Variants in GRIK4 observed in about 807,000 individuals in gnomAD.
GRIK4 encodes the protein glutamate receptor ionotropic, kainate 4.
Under a neutral mutation model 104.9 loss-of-function variants are expected in GRIK4, and 40 were observed. That is an observed-to-expected ratio of 0.38 (90% CI 0.30 to 0.50). GRIK4 has a LOEUF of 0.50. Among genes scored for constraint, GRIK4 ranks in the 20% least tolerant of loss-of-function variants. The pLI is 0.93. For missense variants in GRIK4, 1,047 were observed against 1,308.1 expected, an observed-to-expected ratio of 0.80 and a Z score of 3.08; for synonymous variants, 485 against 524.9, an observed-to-expected ratio of 0.92 and a Z score of 1.04.
intron 1 of GRIK4, among the ~76,000 whole-genome samples, chr11:120,582,733 C>T (rs946381326): frequency 6.6e-6 from 1 of 152,034 alleles, no homozygotes; most frequent in Admixed American, 6.6e-5. Flanking sequence ...GTATATGTAC[C>T]ACATTTTCTT....
At position 120,912,961 on chromosome 11, in the gene GRIK4, C is replaced by A. The variant is rs1417911151; in HGVS notation, c.1476+7468C>A. Reference sequence around the variant, plus strand: ...CTTCCCACAGCTGGTATCTGGGAACCAGCACAGTCAGGCAAGTATCTGTCT... The same window carrying A: ...CTTCCCACAGCTGGTATCTGGGAACAAGCACAGTCAGGCAAGTATCTGTCT... On this transcript the variant is annotated intron_variant, in intron 13 of 20. Coordinates refer to ENST00000527524, the MANE Select transcript of GRIK4 (RefSeq NM_014619.5). Among the ~76,000 whole-genome samples, 3 of 152,166 alleles carry A rather than the reference C, an allele frequency of 2.0e-5. No homozygotes were observed. The East Asian group carries it at 5.8e-4, about 29-fold the overall frequency.
At chr11:120,910,875 G>A (rs1261265726) in intron 13 of GRIK4, among the ~76,000 whole-genome samples, 1 of 152,182 alleles carries the variant, frequency 6.6e-6, no homozygotes, top group East Asian at 1.9e-4. Flanking sequence ...GGTGATGCTA[G>A]GCCTGAATCT....
At chr11:120,950,300 T>C (rs1297944652) in intron 14 of GRIK4, among the ~76,000 whole-genome samples, 1 of 152,208 alleles carries the variant, frequency 6.6e-6, no homozygotes, top group Non-Finnish European at 1.5e-5. Context: ...GTCATGGTTT[T>C]TGTTCGTGTG....
At chr11:120,762,950 T>C (rs769659501) in intron 3 of GRIK4, among the ~76,000 whole-genome samples, 16 of 152,222 alleles carry the variant, frequency 1.1e-4, no homozygotes, top group Non-Finnish European at 1.8e-4. Context: ...AGGATGATGC[T>C]GGGCTCATAA....
intron 3 of GRIK4, among the ~76,000 whole-genome samples, chr11:120,748,140 G>C (rs1422732437): frequency 6.6e-6 from 1 of 151,856 alleles, no homozygotes; most frequent in African/African-American, 2.4e-5. Context: ...TGGGGAGTTG[G>C]TGTTTGTCTC....
chr11:120,895,069 T>G (rs1160563025), intron 11 of GRIK4, among the ~76,000 whole-genome samples: 1 of 151,176 alleles, frequency 6.6e-6, no homozygotes, highest in Non-Finnish European at 1.5e-5. Flanking sequence ...AGGAGGGAGG[T>G]GGGAAGGTGC....
chr11:120,886,916 A>G (rs569547216), intron 11 of GRIK4, among the ~76,000 whole-genome samples: 2 of 152,226 alleles, frequency 1.3e-5, no homozygotes, highest in South Asian at 4.2e-4. Flanking sequence ...AAGAATACTA[A>G]AGGGCTTCTA....
At chr11:120,961,410 C>G (rs1421251287) in intron 17 of GRIK4, among the ~76,000 whole-genome samples, 1 of 152,062 alleles carries the variant, frequency 6.6e-6, no homozygotes, top group Non-Finnish European at 1.5e-5. Flanking sequence ...TGAATCAAAC[C>G]TGTTGTTTTA....
chr11:120,779,887 G>A (rs556974170), intron 3 of GRIK4, among the ~76,000 whole-genome samples: 10 of 152,358 alleles, frequency 6.6e-5, no homozygotes, highest in African/African-American at 2.4e-4. Context: ...AGCGTTGGTA[G>A]AGCAGGAGAT....
intron 1 of GRIK4, among the ~76,000 whole-genome samples, chr11:120,562,392 A>G (rs959408260): frequency 6.6e-6 from 1 of 152,186 alleles, no homozygotes; most frequent in African/African-American, 2.4e-5. Flanking sequence ...AGGAGCAGGT[A>G]AGTGTATTTG....
intron 1 of GRIK4, among the ~76,000 whole-genome samples, chr11:120,563,928 C>G (rs1371400049): frequency 6.6e-6 from 1 of 152,194 alleles, no homozygotes; most frequent in Non-Finnish European, 1.5e-5. Flanking sequence ...CAGTGACACT[C>G]CAGGCCTAAA....
intron 12 of GRIK4, among the ~76,000 whole-genome samples, chr11:120,901,325 GCTCGCTGCATCCTGCCC>G (rs1942732339): frequency 1.8e-4 from 2 of 10,998 alleles, no homozygotes; most frequent in Admixed American, 6.5e-4. Flanking sequence ...GCATCCTGCC[GCTCGCTGCATCCTGCCC>G]CTCCCTGCCT....
At chr11:120,731,503 T>C (rs7926557) in intron 3 of GRIK4, among the ~76,000 whole-genome samples, 40 of 152,338 alleles carry the variant, frequency 2.6e-4, no homozygotes, top group African/African-American at 9.1e-4. Context: ...TCAGTAGTTA[T>C]TAGTGATACT....
chr11:120,609,463 C>T (rs1247876726), intron 1 of GRIK4, among the ~76,000 whole-genome samples: 3 of 150,442 alleles, frequency 2.0e-5, no homozygotes, highest in Non-Finnish European at 4.4e-5. Flanking sequence ...GGTAGCTTTC[C>T]CTACCTTTGT....
At chr11:120,760,163 G>A (rs1951722041) in intron 3 of GRIK4, among the ~76,000 whole-genome samples, 1 of 151,520 alleles carries the variant, frequency 6.6e-6, no homozygotes, top group Non-Finnish European at 1.5e-5. Context: ...ATCCCCACCT[G>A]TGATAACCAC....
intron 9 of GRIK4, among the ~76,000 whole-genome samples, chr11:120,864,311 G>A (rs1482570107): frequency 1.3e-5 from 2 of 151,506 alleles, no homozygotes; most frequent in Non-Finnish European, 2.9e-5. Flanking sequence ...CGCGATCTCG[G>A]CTCACTGCAA....
chr11:120,793,895 G>A (rs1330724519), intron 3 of GRIK4, among the ~76,000 whole-genome samples: 3 of 146,502 alleles, frequency 2.0e-5, no homozygotes, highest in Admixed American at 6.8e-5. Flanking sequence ...GGAGAAGAGC[G>A]GTATTAGGGG....
intron 13 of GRIK4, among the ~76,000 whole-genome samples, chr11:120,932,132 AAC>A (rs1429157780): frequency 3.3e-5 from 5 of 150,626 alleles, no homozygotes; most frequent in Non-Finnish European, 7.4e-5. Context: ...CCCCCCTATA[AAC>A]ACAGCACACG....
At chr11:120,793,465 T>G (rs563860221) in intron 3 of GRIK4, among the ~76,000 whole-genome samples, 5 of 152,160 alleles carry the variant, frequency 3.3e-5, no homozygotes, top group African/African-American at 9.6e-5. Context: ...GAAGGAAGGC[T>G]GTGGGTTGTC....
Sources: gnomAD v4.1 joint callset for allele counts (sites outside exome capture counted in the v4.1 genomes callset) on GRCh38, gnomAD v4.1.1 for gene constraint, MANE v1.5 for transcripts, NCBI Gene and HGNC (gene_info 2026-07-23, HGNC 2026-07-21) for gene names.